Variants in PCNX1 observed in about 807,000 individuals in gnomAD.
PCNX1 encodes the protein pecanex-like protein 1.
Under a neutral mutation model 242.2 loss-of-function variants are expected in PCNX1, and 78 were observed. The observed-to-expected ratio is 0.32, with a 90% confidence interval of 0.27 to 0.39. The LOEUF (loss-of-function observed/expected upper bound fraction) is 0.39. PCNX1 is among the 10% of genes least tolerant of loss of function. The pLI is 1.00. For missense variants in PCNX1, 2,581 were observed against 2,856.5 expected, an observed-to-expected ratio of 0.90 and a Z score of 2.20; for synonymous variants, 1,024 against 1,032.9, an observed-to-expected ratio of 0.99 and a Z score of 0.17.
Position 70,907,570 on chromosome 14 carries a change from G to A in PCNX1, c.-281G>A, listed in dbSNP as rs1594853104. The A allele has an allele frequency of 5.4e-6, 1 of 184,208 alleles. No homozygotes were observed. The highest frequency in any genetic ancestry group is 1.1e-5 in the Non-Finnish European group (1 of 90,834). The allele number at this position is 184,208 out of a possible 1,614,324, so 11.4% of individuals were successfully genotyped here. A position where few individuals can be genotyped will look rare whatever the true frequency, so the allele number is the denominator to read the frequency against. ...GCCGGGCCGCGGCTCCGGGTGTTAG[G>A]AGACAAGATGGCGGCGGCTCTCAGA... is the stretch of plus-strand genomic sequence containing the variant. On this transcript the variant is annotated 5_prime_UTR_variant, in exon 1 of 36. Transcript: ENST00000304743.
intron 30 of PCNX1, among the ~76,000 whole-genome samples, chr14:71,095,407 G>A (rs2062248309): frequency 6.6e-6 from 1 of 152,116 alleles, no homozygotes; most frequent in African/African-American, 2.4e-5. Flanking sequence ...GCATCTGCTT[G>A]TAGCATCTCA....
At chr14:70,960,805 A>G (rs1025917504) in intron 2 of PCNX1, among the ~76,000 whole-genome samples, 1 of 152,142 alleles carries the variant, frequency 6.6e-6, no homozygotes, top group Non-Finnish European at 1.5e-5. Context: ...CTGATAAGCA[A>G]CTTCAGCAAA....
intron 20 of PCNX1, among the ~76,000 whole-genome samples, chr14:71,046,419 G>A (rs1322548269): frequency 6.6e-6 from 1 of 151,006 alleles, no homozygotes; most frequent in Admixed American, 6.6e-5. Flanking sequence ...TTTTTTTCTG[G>A]TACTGATTTT....
intron 28 of PCNX1, among the ~76,000 whole-genome samples, chr14:71,085,134 C>T (rs953726179): frequency 2.0e-5 from 3 of 152,204 alleles, no homozygotes; most frequent in Admixed American, 1.3e-4. Context: ...AGTGAGGCAA[C>T]GCCCCACCCT....
intron 19 of PCNX1, among the ~76,000 whole-genome samples, chr14:71,038,313 G>A (rs1437398217): frequency 1.9e-5 from 2 of 103,174 alleles, no homozygotes; most frequent in Non-Finnish European, 3.9e-5. Context: ...GAAAATTTTC[G>A]CAACCTACTC....
At chr14:71,011,769 A>G (rs2059827750) in intron 10 of PCNX1, 1 of 489,988 alleles carries the variant, frequency 2.0e-6, no homozygotes, top group Non-Finnish European at 3.6e-6. Flanking sequence ...GGCATAGAGT[A>G]TTTTAAAAAG....
At chr14:70,979,624 A>G (rs1409235995) in intron 6 of PCNX1, among the ~76,000 whole-genome samples, 2 of 152,164 alleles carry the variant, frequency 1.3e-5, no homozygotes, top group African/African-American at 4.8e-5. Context: ...TGTTTGATAC[A>G]GTAATGTTCA....
intron 1 of PCNX1, among the ~76,000 whole-genome samples, chr14:70,923,555 C>G (rs962276839): frequency 3.3e-5 from 5 of 152,180 alleles, no homozygotes; most frequent in Non-Finnish European, 7.4e-5. Flanking sequence ...CCACCTCCCA[C>G]AAGAAACCAC....
At chr14:71,036,204 G>T in intron 19 of PCNX1, 47 bp downstream of exon 19, 4 of 1,187,294 alleles carry the variant, frequency 3.4e-6, no homozygotes, top group Non-Finnish European at 5.0e-6. Flanking sequence ...TTTGAGACAG[G>T]GTCTCACTCT....
intron 19 of PCNX1, among the ~76,000 whole-genome samples, chr14:71,042,003 T>C (rs1169137902): frequency 6.6e-6 from 1 of 152,196 alleles, no homozygotes; most frequent in African/African-American, 2.4e-5. Flanking sequence ...CCTCTTGTTA[T>C]TTATTTTTAG....
chr14:70,985,462 CCTCGGCCTCCCAA>C (rs2058973210), intron 6 of PCNX1, among the ~76,000 whole-genome samples: 3 of 152,094 alleles, frequency 2.0e-5, no homozygotes, highest in Admixed American at 1.3e-4. Flanking sequence ...GATCCACCCA[CCTCGGCCTCCCAA>C]AGTGCTGGGA....
intron 21 of PCNX1, 46 bp from the exon 22 acceptor site, chr14:71,047,761 T>C (rs777987479): frequency 6.8e-7 from 1 of 1,477,610 alleles, no homozygotes; most frequent in African/African-American, 1.4e-5. Flanking sequence ...CTGTCTCTTC[T>C]AATGTTTTCA....
At position 70,996,203 on chromosome 14, in the gene PCNX1, G is replaced by A. The variant is rs546075285; in HGVS notation, c.2629+278G>A. On this transcript the variant is annotated intron_variant, in intron 8 of 35. Transcript: ENST00000304743. Reference sequence around the variant, plus strand: ...TTCACACTCAATTCTGTTTTTCCCAGGCATTTGTACCATGTAGGAGAAAAC... The same window carrying A: ...TTCACACTCAATTCTGTTTTTCCCAAGCATTTGTACCATGTAGGAGAAAAC... Among the ~76,000 whole-genome samples the A allele has an allele frequency of 2.6e-5, 4 of 151,800 alleles. No individual in the cohort carries two copies. The South Asian group carries it at 8.3e-4, about 32-fold the overall frequency.
chr14:70,964,238 T>C (rs539534136), intron 3 of PCNX1, among the ~76,000 whole-genome samples: 1 of 152,120 alleles, frequency 6.6e-6, no homozygotes, highest in Non-Finnish European at 1.5e-5. Flanking sequence ...GGCTAATTTT[T>C]TTGCATTTTT....
At chr14:71,020,997 A>G (rs1393984102) in intron 12 of PCNX1, among the ~76,000 whole-genome samples, 4 of 152,044 alleles carry the variant, frequency 2.6e-5, no homozygotes, top group South Asian at 2.1e-4. Flanking sequence ...AGTTTTCCCA[A>G]CACCATTTAT....
In PCNX1 at chr14:70,907,513, G is replaced by C. The variant is rs1207186803; in HGVS notation, c.-338G>C. On this transcript the variant is annotated 5_prime_UTR_variant, in exon 1 of 36. Coordinates refer to ENST00000304743, the MANE Select transcript of PCNX1 (RefSeq NM_014982.3). The stretch of plus-strand genomic sequence containing the variant: ...GCCGGCGGGGGTCGCGGCGGCGGCA[G>C]TGGGGGCGCTGGCGGGCCGCGGGTG... The C allele has an allele frequency of 6.5e-6, 1 of 153,054 alleles. No homozygotes were observed. Among genetic ancestry groups the C allele is most frequent in the African/African-American group, 2.4e-5 (1 of 41,196 alleles). 9.5% of individuals were successfully genotyped at this position (153,054 alleles called of 1,614,324 possible). A position where few individuals can be genotyped will look rare whatever the true frequency, so the allele number is the denominator to read the frequency against.
At chr14:70,970,886 T>C (rs1330182096) in intron 5 of PCNX1, among the ~76,000 whole-genome samples, 1 of 152,190 alleles carries the variant, frequency 6.6e-6, no homozygotes, top group African/African-American at 2.4e-5. Context: ...CAACCCCTGG[T>C]TTAAGTCCTC....
intron 30 of PCNX1, among the ~76,000 whole-genome samples, chr14:71,097,273 G>A (rs1027735396): frequency 1.4e-4 from 21 of 152,118 alleles, no homozygotes; most frequent in African/African-American, 3.6e-4. Context: ...TGCAATGAAC[G>A]TAAGAATGTA....
rs2058798769 is a variant in PCNX1, at chr14:70,980,233, G to A, written c.2311+1585G>A. ...TTTAAAATGTCATTTCCTTTTCATGGGGACTGTGAGGTGTTCTGTTTTTTA... is the reference window on the plus strand; with the variant it reads ...TTTAAAATGTCATTTCCTTTTCATGAGGACTGTGAGGTGTTCTGTTTTTTA... On this transcript the variant is annotated intron_variant, in intron 6 of 35. Coordinates refer to ENST00000304743, the MANE Select transcript of PCNX1 (RefSeq NM_014982.3). Among the ~76,000 whole-genome samples, 3 of 151,556 alleles carry A rather than the reference G, an allele frequency of 2.0e-5. No individual in the cohort carries two copies. The South Asian group carries it at 6.2e-4, about 32-fold the overall frequency.
Sources: gnomAD v4.1 joint callset for allele counts (sites outside exome capture counted in the v4.1 genomes callset) on GRCh38, gnomAD v4.1.1 for gene constraint, MANE v1.5 for transcripts, NCBI Gene and HGNC (gene_info 2026-07-23, HGNC 2026-07-21) for gene names.